The following RARB variants were observed in gnomAD, a reference collection of about 807,000 sequenced individuals.
RARB encodes HBV-activated protein.
Under a neutral mutation model 51.9 loss-of-function variants are expected in RARB, and 17 were observed. The ratio of observed to expected loss-of-function variants is 0.33; its 90% CI spans 0.22 to 0.49. RARB has a LOEUF of 0.49. Among genes scored for constraint, RARB ranks in the 20% least tolerant of loss-of-function variants. The probability of loss-of-function intolerance (pLI) is 0.99; values close to 1 mark genes in which losing one functional copy is unlikely to be tolerated. For synonymous variants in RARB, 215 were observed against 195.4 expected, an observed-to-expected ratio of 1.10 and a Z score of -0.84; for missense variants, 369 against 550.8, an observed-to-expected ratio of 0.67 and a Z score of 3.30.
rs1302268363 is a variant in RARB at position 24,989,847 on chromosome 3, C to T, written c.-379-70278C>T. On this transcript the variant is annotated intron_variant, in intron 2 of 11. Transcript: ENST00000383772. ...TCGCTCTGTCGCCCAGGCTGGACTG[C>T]GGACTGCAGTGGCGCAATCTCGGCT... 2.7e-5 allele frequency among the ~76,000 whole-genome samples: 2 copies of T among 73,174 alleles called. 1 individual carries two copies. Among genetic ancestry groups the T allele is most frequent in the Non-Finnish European group, 4.7e-5 (2 of 42,406 alleles). 48.0% of individuals were successfully genotyped at this position (73,174 alleles called of 152,430 possible). A position where few individuals can be genotyped will look rare whatever the true frequency, so the allele number is the denominator to read the frequency against.
intron 2 of RARB, among the ~76,000 whole-genome samples, chr3:25,055,377 TCAA>T (rs1197750213): frequency 1.3e-5 from 2 of 152,160 alleles, no homozygotes; most frequent in African/African-American, 4.8e-5. Flanking sequence ...AATTCTGCTG[TCAA>T]CAACAAGCAT....
chr3:24,939,146 C>T (rs1360266934), intron 2 of RARB, among the ~76,000 whole-genome samples: 1 of 152,106 alleles, frequency 6.6e-6, no homozygotes, highest in South Asian at 2.1e-4. Context: ...CGATATCTGG[C>T]TAATTGTTTG....
At chr3:25,082,367 C>CT (rs1426157051) in intron 3 of RARB, among the ~76,000 whole-genome samples, 1 of 151,890 alleles carries the variant, frequency 6.6e-6, no homozygotes, top group Non-Finnish European at 1.5e-5. Flanking sequence ...ATTAATTCTT[C>CT]TTTTTTCTGA....
At chr3:24,856,607 G>A (rs1376973019) in intron 1 of RARB, among the ~76,000 whole-genome samples, 2 of 152,072 alleles carry the variant, frequency 1.3e-5, no homozygotes, top group African/African-American at 4.8e-5. Context: ...CCTCCTAAAT[G>A]TTCGGTGTTT....
In RARB at chr3:25,159,412, A is replaced by ACCCC. The variant is rs11393745; in HGVS notation, c.-279-14702_-279-14699dup. On this transcript the variant is annotated intron_variant, in intron 4 of 11. Coordinates refer to the RARB transcript ENST00000383772. The stretch of plus-strand genomic sequence containing the variant: ...TCGAACTCCTGACCTCAGATGATCC[A>ACCCC]CCCCCCCCGCTCCCCCTCAGCCTCC... 9.8e-3 allele frequency among the ~76,000 whole-genome samples: 1,383 copies of ACCCC among 141,482 alleles called. 28 individuals carry two copies. The highest frequency in any genetic ancestry group is 0.033 in the African/African-American group (1,204 of 37,034). The allele number at this position is 141,482 out of a possible 152,430, so 92.8% of individuals were successfully genotyped here.
At chr3:25,061,995 G>T (rs1698559979) in intron 3 of RARB, among the ~76,000 whole-genome samples, 1 of 151,668 alleles carries the variant, frequency 6.6e-6, no homozygotes, top group African/African-American at 2.4e-5. Context: ...AATAAAAGTG[G>T]TTTTCAACTT....
intron 4 of RARB, among the ~76,000 whole-genome samples, chr3:25,133,671 CTT>C (rs1699987463): frequency 6.6e-6 from 1 of 151,932 alleles, no homozygotes; most frequent in South Asian, 2.1e-4. Context: ...ACATAATCCA[CTT>C]TGTTTTTCAA....
At chr3:24,885,351 G>A (rs1166061636) in intron 2 of RARB, among the ~76,000 whole-genome samples, 2 of 152,164 alleles carry the variant, frequency 1.3e-5, no homozygotes, top group Non-Finnish European at 2.9e-5. Context: ...TGGAGATTGT[G>A]AGGCCTTTTG....
At chr3:25,542,694 C>G (rs2125656980) in intron 3 of RARB, among the ~76,000 whole-genome samples, 1 of 152,374 alleles carries the variant, frequency 6.6e-6, no homozygotes, top group Non-Finnish European at 1.5e-5. Flanking sequence ...TTGCCCTCCT[C>G]TGTTCCCTTG....
intron 2 of RARB, among the ~76,000 whole-genome samples, chr3:24,960,707 G>A (rs749974191): frequency 4.6e-5 from 7 of 151,740 alleles, no homozygotes; most frequent in Admixed American, 6.6e-5. Flanking sequence ...ACAACCATAC[G>A]TTGTGTAAAG....
intron 1 of RARB, among the ~76,000 whole-genome samples, chr3:25,446,666 G>A (rs920650009): frequency 6.6e-6 from 1 of 151,752 alleles, no homozygotes; most frequent in Admixed American, 6.6e-5. Context: ...AGCCGGGCGT[G>A]GTGGCAGGCG....
intron 3 of RARB, 89 bp from the exon 4 acceptor site, chr3:25,569,669 A>G (rs750423102): frequency 2.1e-6 from 3 of 1,414,172 alleles, no homozygotes; most frequent in Non-Finnish European, 2.9e-6. Context: ...AAATGAGCTT[A>G]AGGCAGCCTT....
At chr3:25,280,871 G>GC (rs1361360360) in intron 5 of RARB, among the ~76,000 whole-genome samples, 1 of 152,018 alleles carries the variant, frequency 6.6e-6, no homozygotes. Context: ...TTTGTCCTCT[G>GC]CCCCATCTTG....
chr3:25,317,082 C>T (rs56213898), intron 5 of RARB, among the ~76,000 whole-genome samples: 3 of 151,082 alleles, frequency 2.0e-5, no homozygotes, highest in African/African-American at 4.9e-5. Flanking sequence ...TATTATAAGT[C>T]GTGTAAAAGA....
intron 1 of RARB, chr3:25,441,372 TA>T: frequency 3.8e-6 from 1 of 262,090 alleles, no homozygotes. Flanking sequence ...GGACTTCGTA[TA>T]AAGCCTAATT....
At chr3:25,262,924 TTCTC>T (rs894533634) in intron 5 of RARB, among the ~76,000 whole-genome samples, 2 of 152,218 alleles carry the variant, frequency 1.3e-5, no homozygotes, top group Admixed American at 6.5e-5. Context: ...CATTTGTATG[TTCTC>T]TCTCTGACTT....
chr3:25,012,955 T>C (rs906501811), intron 2 of RARB, among the ~76,000 whole-genome samples: 5 of 152,086 alleles, frequency 3.3e-5, no homozygotes, highest in African/African-American at 9.7e-5. Flanking sequence ...TAGCTGCTGG[T>C]ATTTAAGAAT....
intron 2 of RARB, among the ~76,000 whole-genome samples, chr3:24,886,025 A>G (rs1703259506): frequency 6.6e-6 from 1 of 152,126 alleles, no homozygotes; most frequent in Non-Finnish European, 1.5e-5. Flanking sequence ...TAATTTGCTA[A>G]CTGAGAGCTC....
At chr3:25,491,089 C>T (rs1696711557) in intron 2 of RARB, among the ~76,000 whole-genome samples, 1 of 152,158 alleles carries the variant, frequency 6.6e-6, no homozygotes, top group African/African-American at 2.4e-5. Flanking sequence ...TACTCTTCAC[C>T]TTCTTTTTAA....
Sources: allele counts gnomAD v4.1 joint callset (sites outside exome capture counted in the v4.1 genomes callset), GRCh38; gene constraint gnomAD v4.1.1; transcripts MANE v1.5; gene names NCBI Gene and HGNC (gene_info 2026-07-23, HGNC 2026-07-21).